NKAIN2: variants seen among roughly 807,000 people sequenced by gnomAD.
NKAIN2 encodes the protein sodium/potassium-transporting ATPase subunit beta-1-interacting protein 2.
Under a neutral mutation model 32.6 loss-of-function variants are expected in NKAIN2, and 14 were observed. That is an observed-to-expected ratio of 0.43 (90% CI 0.28 to 0.67). The LOEUF (loss-of-function observed/expected upper bound fraction) is 0.67, where lower values mean the gene tolerates loss of function less well. NKAIN2 is among the 30% of genes least tolerant of loss of function. The pLI, the probability that NKAIN2 is intolerant of heterozygous loss-of-function variation, is 0.17. For missense variants in NKAIN2, 198 were observed against 258.3 expected, an observed-to-expected ratio of 0.77 and a Z score of 1.60; for synonymous variants, 80 against 87.2, an observed-to-expected ratio of 0.92 and a Z score of 0.46.
intron 1 of NKAIN2, among the ~76,000 whole-genome samples, chr6:124,147,824 G>A (rs977023115): frequency 6.6e-6 from 1 of 152,060 alleles, no homozygotes; most frequent in Non-Finnish European, 1.5e-5. Context: ...CTATCAGTAG[G>A]AGGATATTTT....
chr6:124,384,288 A>C (rs950914528), intron 3 of NKAIN2, among the ~76,000 whole-genome samples: 2 of 152,146 alleles, frequency 1.3e-5, no homozygotes, highest in Non-Finnish European at 2.9e-5. Context: ...ATGTTATCTG[A>C]GTTAATGAAT....
At position 124,687,739 on chromosome 6, in the gene NKAIN2, T is replaced by TACACACAC. The variant is rs1194925030; in HGVS notation, c.474+29354_474+29355insCACACACA. On this transcript the variant is annotated intron_variant, in intron 4 of 6. Transcript: ENST00000368417. ...ATATATATAATATAAATATATATGA[T>TACACACAC]ATATACACACACACACACACACACA... Among the ~76,000 whole-genome samples, 27 of 31,358 alleles carry TACACACAC rather than the reference T, an allele frequency of 8.6e-4. No homozygotes were observed. In the South Asian group the frequency reaches 0.04, roughly 47 times the overall value. The allele number at this position is 31,358 out of a possible 152,430, so 20.6% of individuals were successfully genotyped here. A position where few individuals can be genotyped will look rare whatever the true frequency, so the allele number is the denominator to read the frequency against.
intron 1 of NKAIN2, among the ~76,000 whole-genome samples, chr6:124,160,406 G>C (rs1482358033): frequency 3.3e-5 from 5 of 152,104 alleles, no homozygotes; most frequent in Non-Finnish European, 7.4e-5. Flanking sequence ...TTCCTTGAAA[G>C]AGCTGTATGT....
intron 5 of NKAIN2, among the ~76,000 whole-genome samples, chr6:124,800,587 T>C (rs997755653): frequency 2.6e-5 from 4 of 152,252 alleles, no homozygotes; most frequent in African/African-American, 7.2e-5. Context: ...TGGCATTTTA[T>C]AATTACGATT....
chr6:124,304,775 G>A (rs111480404), intron 2 of NKAIN2, among the ~76,000 whole-genome samples: 15,422 of 152,094 alleles, frequency 0.1, 1,255 homozygotes, highest in African/African-American at 0.22. Context: ...TTAGCCAGGC[G>A]TGGTGGTGTG....
intron 1 of NKAIN2, among the ~76,000 whole-genome samples, chr6:123,951,139 G>T (rs1777306792): frequency 6.6e-6 from 1 of 151,520 alleles, no homozygotes; most frequent in Admixed American, 6.6e-5. Flanking sequence ...TTATGATTTT[G>T]ATTTTTTAAA....
chr6:123,808,117 T>G (rs1773296312), intron 1 of NKAIN2, among the ~76,000 whole-genome samples: 2 of 152,206 alleles, frequency 1.3e-5, no homozygotes, highest in African/African-American at 4.8e-5. Context: ...TGCTATTTTA[T>G]TACTTTTTAG....
chr6:124,037,851 G>A (rs945408347), intron 1 of NKAIN2, among the ~76,000 whole-genome samples: 2 of 152,126 alleles, frequency 1.3e-5, no homozygotes, highest in Non-Finnish European at 2.9e-5. Flanking sequence ...ACTTCAAAGG[G>A]TTGAAAGCGG....
intron 1 of NKAIN2, among the ~76,000 whole-genome samples, chr6:123,954,020 G>T (rs919015220): frequency 1.3e-5 from 2 of 152,160 alleles, no homozygotes; most frequent in Non-Finnish European, 2.9e-5. Flanking sequence ...GCTGCCTGGG[G>T]CAACTGGGCC....
rs114668435 is a variant in NKAIN2 at position 124,477,869 on chromosome 6, A to T, written c.273+122522A>T. On this transcript the variant is annotated intron_variant, in intron 3 of 6. Coordinates refer to ENST00000368417, the MANE Select transcript of NKAIN2 (RefSeq NM_001040214.3). ...CCTCTTCTTCCTCTCTCTCTCTCTC[A>T]ATGTTTGGGAAAGAATCCTAGCATT... Among the ~76,000 whole-genome samples the T allele has an allele frequency of 7.8e-3, 1,108 of 141,836 alleles. 15 individuals carry two copies. The highest frequency in any genetic ancestry group is 0.028 in the African/African-American group (1,060 of 37,460). The allele number at this position is 141,836 out of a possible 152,430, so 93.0% of individuals were successfully genotyped here.
At chr6:124,182,035 A>G (rs1310238593) in intron 1 of NKAIN2, among the ~76,000 whole-genome samples, 1 of 152,202 alleles carries the variant, frequency 6.6e-6, no homozygotes, top group African/African-American at 2.4e-5. Flanking sequence ...TTATAAAGGA[A>G]AGAGGTTTAA....
chr6:124,334,697 A>T (rs1342264987), intron 2 of NKAIN2, among the ~76,000 whole-genome samples: 2 of 151,292 alleles, frequency 1.3e-5, no homozygotes, highest in African/African-American at 4.9e-5. Context: ...AATTTGGGAG[A>T]TTAGTGATCT....
intron 1 of NKAIN2, among the ~76,000 whole-genome samples, chr6:124,281,913 C>A (rs774343073): frequency 6.6e-6 from 1 of 152,162 alleles, no homozygotes; most frequent in Non-Finnish European, 1.5e-5. Flanking sequence ...TTAAAATCAT[C>A]ATTTTCCTTG....
At chr6:123,826,691 TC>T (rs1349579152) in intron 1 of NKAIN2, among the ~76,000 whole-genome samples, 6 of 152,206 alleles carry the variant, frequency 3.9e-5, no homozygotes, top group African/African-American at 1.4e-4. Flanking sequence ...TCTTCAGAGT[TC>T]CATTTCTTTT....
chr6:124,106,064 T>A (rs1318605930), intron 1 of NKAIN2, among the ~76,000 whole-genome samples: 3 of 152,208 alleles, frequency 2.0e-5, no homozygotes, highest in African/African-American at 7.2e-5. Context: ...TTACCCACTA[T>A]GTTATGCCCA....
At chr6:124,366,449 A>AG (rs1799521107) in intron 3 of NKAIN2, among the ~76,000 whole-genome samples, 2 of 151,236 alleles carry the variant, frequency 1.3e-5, no homozygotes, top group African/African-American at 4.9e-5. Context: ...ATCTTTTGAC[A>AG]GAAAAAAAAA....
intron 1 of NKAIN2, among the ~76,000 whole-genome samples, chr6:123,986,462 A>G (rs1195621230): frequency 6.6e-6 from 1 of 152,180 alleles, no homozygotes; most frequent in Middle Eastern, 3.2e-3. Flanking sequence ...AAGATCTGGT[A>G]AATGACTGTT....
At chr6:123,832,262 T>C (rs1774419913) in intron 1 of NKAIN2, among the ~76,000 whole-genome samples, 1 of 152,236 alleles carries the variant, frequency 6.6e-6, no homozygotes, top group South Asian at 2.1e-4. Context: ...TTTCACTTAA[T>C]AATACGCATT....
chr6:124,557,979 A>T (rs1198784179), intron 3 of NKAIN2, among the ~76,000 whole-genome samples: 1 of 152,220 alleles, frequency 6.6e-6, no homozygotes, highest in Non-Finnish European at 1.5e-5. Context: ...TGACCTAGTA[A>T]CCCATGTATT....
Sources: gnomAD v4.1 joint callset for allele counts (sites outside exome capture counted in the v4.1 genomes callset) on GRCh38, gnomAD v4.1.1 for gene constraint, MANE v1.5 for transcripts, NCBI Gene and HGNC (gene_info 2026-07-23, HGNC 2026-07-21) for gene names.